CCDC192: variants seen among roughly 807,000 people sequenced by gnomAD.
CCDC192 encodes coiled-coil domain-containing protein 192.
intron 5 of CCDC192, among the ~76,000 whole-genome samples, chr5:127,798,957 A>C (rs1276222558): frequency 1.3e-5 from 2 of 152,156 alleles, no homozygotes; most frequent in African/African-American, 4.8e-5. Context: ...CCATGACCAT[A>C]AATCTGTCAC....
At chr5:127,936,807 C>A (rs1182914718) in intron 6 of CCDC192, among the ~76,000 whole-genome samples, 1 of 152,196 alleles carries the variant, frequency 6.6e-6, no homozygotes, top group East Asian at 1.9e-4. Flanking sequence ...TTCCGGGAGA[C>A]CCGCCTTGGC....
At chr5:127,717,928 C>CAAAAAAAAAACAAAA (rs1751718913) in intron 2 of CCDC192, among the ~76,000 whole-genome samples, 1 of 98,074 alleles carries the variant, frequency 1.0e-5, no homozygotes, top group African/African-American at 3.9e-5. Flanking sequence ...TAAAGCTAGA[C>CAAAAAAAAAACAAAA]AAAAAAAAAA....
Position 127,859,756 on chromosome 5 carries a change from C to G in CCDC192, c.412-15782C>G, listed in dbSNP as rs1541647. Among the ~76,000 whole-genome samples the G allele has an allele frequency of 9.3e-3, 1,413 of 152,230 alleles. 14 individuals are homozygous for G. Among genetic ancestry groups the G allele is most frequent in the African/African-American group, 0.033 (1,356 of 41,534 alleles). On this transcript the variant is annotated intron_variant, in intron 5 of 6. Transcript: ENST00000514853. ...TTAAATGTCCTTCCATATTTTTCAT[C>G]TCTTCATTTCTGTGGATTCTCACAA... is the stretch of plus-strand genomic sequence containing the variant.
intron 6 of CCDC192, among the ~76,000 whole-genome samples, chr5:127,910,547 A>T (rs1561548328): frequency 6.6e-6 from 1 of 152,140 alleles, no homozygotes; most frequent in Non-Finnish European, 1.5e-5. Flanking sequence ...ACAGCCATAA[A>T]CTCCCAGTGT....
intron 6 of CCDC192, among the ~76,000 whole-genome samples, chr5:127,913,977 G>T (rs1195039277): frequency 6.6e-6 from 1 of 152,170 alleles, no homozygotes; most frequent in Non-Finnish European, 1.5e-5. Context: ...TGGTATATTT[G>T]TATGAATGTG....
chr5:127,738,335 C>G lies in CCDC192; in HGVS notation c.115-15933C>G, dbSNP rs542644853. On this transcript the variant is annotated intron_variant, in intron 2 of 6. Transcript: ENST00000514853. ...TGATGGGCTTCCCTTTGAGGGTAAC[C>G]CGACCTTTCTCTCTGGCTGCCCTTA... Among the ~76,000 whole-genome samples, 406 of 123,270 alleles carry G rather than the reference C, an allele frequency of 3.3e-3. 1 individual carries two copies. The highest frequency in any genetic ancestry group is 7.6e-3 in the Middle Eastern group (2 of 264). The allele number at this position is 123,270 out of a possible 152,430, so 80.9% of individuals were successfully genotyped here.
At chr5:127,794,609 G>A (rs554964083) in intron 3 of CCDC192, among the ~76,000 whole-genome samples, 33 of 152,198 alleles carry the variant, frequency 2.2e-4, no homozygotes, top group African/African-American at 7.9e-4. Context: ...TAAAGTATGA[G>A]TTTTTTGAGG....
At chr5:127,814,678 T>C (rs10065758) in intron 5 of CCDC192, among the ~76,000 whole-genome samples, 3,128 of 152,290 alleles carry the variant, frequency 0.021, 115 homozygotes, top group African/African-American at 0.072. Context: ...CCCGAGGAAT[T>C]TACTTTGCCT....
chr5:127,792,404 G>T (rs1435522007), intron 3 of CCDC192, among the ~76,000 whole-genome samples: 1 of 152,022 alleles, frequency 6.6e-6, no homozygotes, highest in African/African-American at 2.4e-5. Flanking sequence ...CAGCAGTGTA[G>T]GGGTAACCAT....
At chr5:127,710,028 T>C (rs1242775159) in intron 2 of CCDC192, among the ~76,000 whole-genome samples, 1 of 152,196 alleles carries the variant, frequency 6.6e-6, no homozygotes, top group African/African-American at 2.4e-5. Context: ...TGCCAAGGGC[T>C]TCAATTAGCT....
At chr5:127,729,517 G>A (rs934980578) in intron 2 of CCDC192, among the ~76,000 whole-genome samples, 5 of 152,150 alleles carry the variant, frequency 3.3e-5, no homozygotes, top group Non-Finnish European at 7.4e-5. Context: ...GAATCCAATG[G>A]ATCTGATATG....
intron 5 of CCDC192, among the ~76,000 whole-genome samples, chr5:127,871,812 C>T (rs1013677696): frequency 2.6e-5 from 4 of 152,150 alleles, no homozygotes; most frequent in African/African-American, 9.7e-5. Context: ...AAACATTGCA[C>T]AAATACATGA....
chr5:127,831,194 A>G (rs1306722855), intron 5 of CCDC192, among the ~76,000 whole-genome samples: 3 of 152,160 alleles, frequency 2.0e-5, no homozygotes, highest in Non-Finnish European at 4.4e-5. Flanking sequence ...TATCTTGAAG[A>G]TTTTGTATTC....
intron 5 of CCDC192, among the ~76,000 whole-genome samples, chr5:127,821,040 CAT>C (rs1443524901): frequency 1.3e-5 from 2 of 152,116 alleles, no homozygotes; most frequent in Non-Finnish European, 2.9e-5. Context: ...TACACACACA[CAT>C]ATACACACAC....
intron 6 of CCDC192, among the ~76,000 whole-genome samples, chr5:127,889,729 C>T (rs1752675987): frequency 1.3e-5 from 2 of 152,158 alleles, no homozygotes; most frequent in Non-Finnish European, 2.9e-5. Context: ...ATTGATTGGC[C>T]TCCCTACCCC....
intron 3 of CCDC192, among the ~76,000 whole-genome samples, chr5:127,796,371 G>C (rs755801249): frequency 2.0e-5 from 3 of 152,278 alleles, no homozygotes; most frequent in Non-Finnish European, 2.9e-5. Flanking sequence ...ATACAGAATT[G>C]TGTGTCCCTT....
At chr5:127,735,379 T>C (rs1474953620) in intron 2 of CCDC192, among the ~76,000 whole-genome samples, 1 of 148,904 alleles carries the variant, frequency 6.7e-6, no homozygotes, top group Non-Finnish European at 1.5e-5. Context: ...CCAGCTTTGT[T>C]CTTTTGGCTT....
chr5:127,880,738 G>A (rs1041639748), intron 6 of CCDC192, among the ~76,000 whole-genome samples: 1 of 152,136 alleles, frequency 6.6e-6, no homozygotes, highest in Non-Finnish European at 1.5e-5. Flanking sequence ...CCAGCACTTT[G>A]GGAGGCAGAG....
intron 6 of CCDC192, among the ~76,000 whole-genome samples, chr5:127,938,662 T>G (rs942827310): frequency 6.6e-6 from 1 of 152,268 alleles, no homozygotes; most frequent in African/African-American, 2.4e-5. Context: ...AATATTATCA[T>G]TTTAATGCAT....
Sources: gnomAD v4.1 joint callset for allele counts (sites outside exome capture counted in the v4.1 genomes callset) on GRCh38, gnomAD v4.1.1 for gene constraint, MANE v1.5 for transcripts, NCBI Gene and HGNC (gene_info 2026-07-23, HGNC 2026-07-21) for gene names.